Variants in MN1 observed in about 807,000 individuals in gnomAD.
MN1 encodes the protein transcriptional activator MN1.
In MN1, 19 loss-of-function variants were observed where a neutral mutation model predicts 86.9. That is an observed-to-expected ratio of 0.22 (90% CI 0.15 to 0.32). The LOEUF (loss-of-function observed/expected upper bound fraction) is 0.32, where lower values mean the gene tolerates loss of function less well. MN1 is among the 10% of genes least tolerant of loss of function. The probability of loss-of-function intolerance (pLI) is 1.00; values close to 1 mark genes in which losing one functional copy is unlikely to be tolerated. For synonymous variants in MN1, 928 were observed against 849.6 expected (o/e 1.09, Z -1.60); for missense variants, 1,841 against 1,862.0 (o/e 0.99, Z 0.21).
chr22:27,774,132 A>G (rs1217356598), intron 1 of MN1, among the ~76,000 whole-genome samples: 1 of 152,160 alleles, frequency 6.6e-6, no homozygotes, highest in Non-Finnish European at 1.5e-5. Context: ...CCCACTTTCC[A>G]TTATTCTAAT....
chr22:27,788,308 G>C (rs1362410954), intron 1 of MN1, among the ~76,000 whole-genome samples: 1 of 152,110 alleles, frequency 6.6e-6, no homozygotes, highest in Non-Finnish European at 1.5e-5. Context: ...AGGACCTACA[G>C]TGTCCACATC....
chr22:27,763,027 C>T (rs892865801), intron 1 of MN1, among the ~76,000 whole-genome samples: 2 of 152,064 alleles, frequency 1.3e-5, no homozygotes, highest in Non-Finnish European at 2.9e-5. Flanking sequence ...ACTGGGATTT[C>T]GAGGCTGCAG....
In MN1 at chr22:27,800,132, C is replaced by T. The variant is rs1178995046; in HGVS notation, c.412G>A (p.Gly138Ser). ...TGGCTGCCCAGGCCTCCGGCTGCGC[C>T]GCCGTAGCCGAGCAGGCGACCCCCG... ...LHGGRLLGYG[G>S]AAGGLGSQPP... is the part of the protein sequence containing the mutation. The change falls in exon 1 of 2, where the codon GGC (glycine) becomes AGC (serine). Residue 138 changes from glycine (G) to serine (S), a missense_variant. By Grantham distance (56) the Gly-to-Ser change is moderately conservative (BLOSUM62 0). Coordinates refer to ENST00000302326, the MANE Select transcript of MN1 (RefSeq NM_002430.3). The T allele has an allele frequency of 3.2e-6, 5 of 1,558,668 alleles. No homozygotes were observed. Among genetic ancestry groups the T allele is most frequent in the Non-Finnish European group, 4.3e-6 (5 of 1,158,814 alleles).
chr22:27,763,812 G>A (rs1932850264), intron 1 of MN1, among the ~76,000 whole-genome samples: 1 of 152,204 alleles, frequency 6.6e-6, no homozygotes, highest in Admixed American at 6.5e-5. Context: ...CGGTAAACAT[G>A]AACCTGCAAA....
At chr22:27,795,489 C>G (rs960100380) in intron 1 of MN1, among the ~76,000 whole-genome samples, 1 of 151,916 alleles carries the variant, frequency 6.6e-6, no homozygotes, top group African/African-American at 2.4e-5. Context: ...GAGGAAAGAA[C>G]TGTAAAAGAG....
chr22:27,770,811 C>T (rs937489636), intron 1 of MN1, among the ~76,000 whole-genome samples: 2 of 151,966 alleles, frequency 1.3e-5, no homozygotes, highest in African/African-American at 4.8e-5. Context: ...GCATGAGCCA[C>T]CATGCCTGGC....
chr22:27,778,310 G>A (rs1933006086), intron 1 of MN1, among the ~76,000 whole-genome samples: 1 of 152,188 alleles, frequency 6.6e-6, no homozygotes, highest in Non-Finnish European at 1.5e-5. Flanking sequence ...AGCCGTTGAG[G>A]GAATTTCTGC....
intron 1 of MN1, among the ~76,000 whole-genome samples, chr22:27,769,134 G>A (rs1261324645): frequency 1.3e-5 from 2 of 152,078 alleles, no homozygotes; most frequent in Non-Finnish European, 2.9e-5. Context: ...TATCAACCAC[G>A]CGGGGCTCCC....
At chr22:27,763,682 A>G (rs1387327332) in intron 1 of MN1, among the ~76,000 whole-genome samples, 1 of 152,224 alleles carries the variant, frequency 6.6e-6, no homozygotes, top group African/African-American at 2.4e-5. Context: ...CAACGTGGCA[A>G]TGAGCTGATC....
At position 27,762,347 on chromosome 22, in the gene MN1, C is replaced by T. The variant is rs181633274; in HGVS notation, c.3782-11251G>A. 2.1e-4 allele frequency among the ~76,000 whole-genome samples: 32 copies of T among 152,250 alleles called. No individual in the cohort carries two copies. In the East Asian group the frequency reaches 6.2e-3, roughly 29 times the overall value. ...CTCATCTATGAAATGGGGATGGAGA[C>T]AGTATCATTCTCATAGGAGGGAAGG... is the stretch of plus-strand genomic sequence containing the variant. On this transcript the variant is annotated intron_variant, in intron 1 of 1. Transcript: ENST00000302326.
Position 27,801,736 on chromosome 22 carries a change from A to G in MN1, c.-1193T>C, listed in dbSNP as rs1216207198. Among the ~76,000 whole-genome samples the G allele has an allele frequency of 6.6e-6, 1 of 152,118 alleles. No individual in the cohort carries two copies. Among genetic ancestry groups the G allele is most frequent in the African/African-American group, 2.4e-5 (1 of 41,418 alleles). ...CCCTCTCTGTGTCTGCCTCTCGCCCAGCGCCGGGAGAAGCAGCAACAAGTT... is the reference window on the plus strand; with the variant it reads ...CCCTCTCTGTGTCTGCCTCTCGCCCGGCGCCGGGAGAAGCAGCAACAAGTT... On this transcript the variant is annotated 5_prime_UTR_variant, in exon 1 of 2. Transcript: ENST00000302326.
At position 27,797,475 on chromosome 22, in the gene MN1, G is replaced by A; in HGVS notation, c.3069C>T (p.Asp1023=). ...GAELLLGDQP[D]LIGSLDGGAK... ...CCCCGCCGTCCAGGGACCCAATGAG[G>A]TCCGGCTGATCCCCCAGGAGCAACT... is the stretch of plus-strand genomic sequence containing the variant. The change falls in exon 1 of 2, where the codon GAC becomes GAT. Residue 1023 remains aspartate (D), a synonymous_variant. Coordinates refer to ENST00000302326, the MANE Select transcript of MN1 (RefSeq NM_002430.3). 6.3e-7 allele frequency: 1 copy of A among 1,598,768 alleles called. No individual in the cohort carries two copies. Among genetic ancestry groups the A allele is most frequent in the Non-Finnish European group, 8.5e-7 (1 of 1,172,494 alleles).
chr22:27,757,926 G>C (rs1478735995), intron 1 of MN1, among the ~76,000 whole-genome samples: 1 of 151,890 alleles, frequency 6.6e-6, no homozygotes, highest in Non-Finnish European at 1.5e-5. Flanking sequence ...GTCAGCCCAG[G>C]CACCAAGGAG....
chr22:27,798,930 C>CTGT lies in MN1; in HGVS notation c.1613_1614insACA (p.Gln550dup), dbSNP rs1933371096. The CTGT allele has an allele frequency of 6.4e-7, 1 of 1,557,594 alleles. No homozygotes were observed. The highest frequency in any genetic ancestry group is 1.4e-5 in the African/African-American group (1 of 73,152). Reference sequence around the variant, plus strand: ...GCTGCTGTTGCTGTTGCTGTTGCTGCTGCTGCTGCTGCTGTTGCTGCTGCT... The same window carrying CTGT: ...GCTGCTGTTGCTGTTGCTGTTGCTGCTGTTGCTGCTGCTGCTGTTGCTGCTGCT... On this transcript the variant is annotated inframe_insertion, in exon 1 of 2. Coordinates refer to ENST00000302326, the MANE Select transcript of MN1 (RefSeq NM_002430.3).
In MN1 at chr22:27,796,718, G is replaced by C. The variant is rs770975173; in HGVS notation, c.3781+45C>G. 1.2e-5 allele frequency: 18 copies of C among 1,533,470 alleles called. No individual in the cohort carries two copies. The East Asian group carries it at 3.6e-4, about 31-fold the overall frequency. The allele number at this position is 1,533,470 out of a possible 1,614,324, so 95.0% of individuals were successfully genotyped here. A position where few individuals can be genotyped will look rare whatever the true frequency, so the allele number is the denominator to read the frequency against. The stretch of plus-strand genomic sequence containing the variant: ...AAGGCTAAGTCCTGCCCTGGGGATG[G>C]GGCGGGTCACCCGGGAAGTGAGAGG... On this transcript the variant is annotated intron_variant, in intron 1 of 1. Coordinates refer to ENST00000302326, the MANE Select transcript of MN1 (RefSeq NM_002430.3).
At chr22:27,779,002 C>A (rs1426168747) in intron 1 of MN1, among the ~76,000 whole-genome samples, 1 of 152,194 alleles carries the variant, frequency 6.6e-6, no homozygotes, top group East Asian at 1.9e-4. Context: ...CCTTCCCTAC[C>A]CACCCCTGCA....
intron 1 of MN1, among the ~76,000 whole-genome samples, chr22:27,762,048 T>C (rs1932838586): frequency 6.6e-6 from 1 of 151,896 alleles, no homozygotes; most frequent in African/African-American, 2.4e-5. Context: ...ATGGACAGAG[T>C]GGGCTCCTCG....
rs780743742 is a variant in MN1, at chr22:27,798,258, G to A, written c.2286C>T (p.Gly762=). 2.6e-5 allele frequency: 40 copies of A among 1,527,198 alleles called. 3 individuals carry two copies. In the South Asian group the frequency reaches 4.9e-4, roughly 19 times the overall value. 94.6% of individuals were successfully genotyped at this position (1,527,198 alleles called of 1,614,324 possible). Residue 762 remains glycine (G), a synonymous_variant, in exon 1 of 2, where the codon GGC becomes GGT. Transcript: ENST00000302326. ...GRQSTPHSGP[G]VNSPPSAGGG... is the part of the protein sequence containing the mutation. The stretch of plus-strand genomic sequence containing the variant: ...CTCCCGCGCTGGGGGGCGAGTTCAC[G>A]CCTGGACCGCTGTGCGGCGTGGACT...
intron 1 of MN1, among the ~76,000 whole-genome samples, chr22:27,777,676 T>G (rs987714635): frequency 1.3e-5 from 2 of 151,114 alleles, no homozygotes; most frequent in South Asian, 4.2e-4. Flanking sequence ...CTGGCCAACA[T>G]GGTGAAACCG....
Sources: allele counts gnomAD v4.1 joint callset (sites outside exome capture counted in the v4.1 genomes callset), GRCh38; gene constraint gnomAD v4.1.1; transcripts MANE v1.5; gene names NCBI Gene and HGNC (gene_info 2026-07-23, HGNC 2026-07-21).